GPATCH2: variants seen among roughly 807,000 people sequenced by gnomAD.
GPATCH2 encodes the protein G-patch domain containing 2.
In GPATCH2, 51 loss-of-function variants were observed where a neutral mutation model predicts 58.0. That is an observed-to-expected ratio of 0.88 (90% CI 0.70 to 1.11). GPATCH2 has a LOEUF of 1.11. GPATCH2 is among the 50% of genes most tolerant of loss of function. GPATCH2 has a pLI of 0.00. For synonymous variants in GPATCH2, 222 were observed against 218.5 expected (o/e 1.02, Z -0.14); for missense variants, 625 against 652.2 (o/e 0.96, Z 0.45).
At chr1:217,451,924 C>T (rs1001811844) in intron 8 of GPATCH2, among the ~76,000 whole-genome samples, 11 of 151,498 alleles carry the variant, frequency 7.3e-5, no homozygotes, top group African/African-American at 1.7e-4. Context: ...ACTTGCTGAA[C>T]GAATTTCTGA....
At chr1:217,625,525 C>A (rs995125184) in intron 1 of GPATCH2, among the ~76,000 whole-genome samples, 2 of 152,050 alleles carry the variant, frequency 1.3e-5, no homozygotes, top group African/African-American at 2.4e-5. Context: ...ATGACTATTG[C>A]TTTTTGAAGC....
chr1:217,594,554 T>C (rs1372835072), intron 5 of GPATCH2, among the ~76,000 whole-genome samples: 1 of 152,076 alleles, frequency 6.6e-6, no homozygotes, highest in Non-Finnish European at 1.5e-5. Flanking sequence ...TTATCTATAT[T>C]TAATCTATAT....
At chr1:217,612,934 G>A (rs115828679) in intron 3 of GPATCH2, among the ~76,000 whole-genome samples, 1,974 of 152,144 alleles carry the variant, frequency 0.013, 37 homozygotes, top group African/African-American at 0.045. Flanking sequence ...ACTTAGCAAC[G>A]TGAAACATAG....
intron 9 of GPATCH2, among the ~76,000 whole-genome samples, chr1:217,434,801 A>C (rs1295613727): frequency 6.6e-6 from 1 of 152,176 alleles, no homozygotes; most frequent in Non-Finnish European, 1.5e-5. Context: ...AGGGTAGCCC[A>C]GGGGTGACCA....
At chr1:217,486,813 A>G (rs1331484107) in intron 8 of GPATCH2, among the ~76,000 whole-genome samples, 4 of 152,206 alleles carry the variant, frequency 2.6e-5, no homozygotes, top group African/African-American at 9.6e-5. Flanking sequence ...GGTTAGGAGA[A>G]TACCTTTTCC....
chr1:217,596,633 G>T (rs1235089729), intron 5 of GPATCH2, among the ~76,000 whole-genome samples: 1 of 152,056 alleles, frequency 6.6e-6, no homozygotes, highest in Non-Finnish European at 1.5e-5. Flanking sequence ...CACAAAAGCT[G>T]ATATGAAAAA....
At chr1:217,472,087 C>G (rs1660744434) in intron 8 of GPATCH2, among the ~76,000 whole-genome samples, 1 of 152,016 alleles carries the variant, frequency 6.6e-6, no homozygotes, top group South Asian at 2.1e-4. Flanking sequence ...AAACCCTCCT[C>G]CTTCAAAAAA....
intron 5 of GPATCH2, among the ~76,000 whole-genome samples, chr1:217,554,916 G>A (rs1665547212): frequency 1.3e-5 from 2 of 152,088 alleles, no homozygotes; most frequent in Admixed American, 6.6e-5. Flanking sequence ...TTTTTTGAGA[G>A]CTTTTGCCTG....
chr1:217,519,245 T>C (rs1416612523), intron 5 of GPATCH2, among the ~76,000 whole-genome samples: 1 of 152,184 alleles, frequency 6.6e-6, no homozygotes, highest in East Asian at 1.9e-4. Flanking sequence ...GTTTGAGGAA[T>C]GAATAAAATA....
intron 5 of GPATCH2, among the ~76,000 whole-genome samples, chr1:217,569,910 G>A (rs1364091893): frequency 6.6e-6 from 1 of 152,094 alleles, no homozygotes; most frequent in Admixed American, 6.6e-5. Context: ...GTTTGGCAAT[G>A]TTTGAAGCCA....
chr1:217,590,811 T>C (rs973443655), intron 5 of GPATCH2, among the ~76,000 whole-genome samples: 1 of 152,180 alleles, frequency 6.6e-6, no homozygotes, highest in Non-Finnish European at 1.5e-5. Flanking sequence ...ACTTACACTA[T>C]TTCATCTTAT....
chr1:217,530,311 G>A (rs938421676), intron 5 of GPATCH2, among the ~76,000 whole-genome samples: 14 of 152,192 alleles, frequency 9.2e-5, no homozygotes, highest in Admixed American at 3.9e-4. Flanking sequence ...TGTTATGACT[G>A]TCTCAATTGC....
intron 8 of GPATCH2, among the ~76,000 whole-genome samples, chr1:217,468,374 A>G (rs1412887491): frequency 1.3e-5 from 2 of 152,192 alleles, no homozygotes; most frequent in South Asian, 2.1e-4. Context: ...GTAAATACCA[A>G]TTACAGGAAA....
intron 5 of GPATCH2, among the ~76,000 whole-genome samples, chr1:217,603,415 T>C (rs911796872): frequency 1.3e-5 from 2 of 152,180 alleles, no homozygotes; most frequent in African/African-American, 2.4e-5. Context: ...ACAAATATAC[T>C]ACTGTATTGG....
chr1:217,431,814 T>C (rs1472803526), intron 9 of GPATCH2, among the ~76,000 whole-genome samples: 1 of 152,188 alleles, frequency 6.6e-6, no homozygotes, highest in Non-Finnish European at 1.5e-5. Context: ...CATTTGCCCA[T>C]GACCTTGACA....
chr1:217,572,859 G>T, intron 5 of GPATCH2, among the ~76,000 whole-genome samples: 1 of 152,134 alleles, frequency 6.6e-6, no homozygotes, highest in Admixed American at 6.6e-5. Flanking sequence ...TACTTTTCTG[G>T]GTGAAGGGAG....
intron 8 of GPATCH2, among the ~76,000 whole-genome samples, chr1:217,459,539 T>C (rs1660107440): frequency 6.6e-6 from 1 of 152,180 alleles, no homozygotes; most frequent in African/African-American, 2.4e-5. Context: ...CTGTTTATCA[T>C]TGATATTTAG....
At chr1:217,491,510 ATC>A in intron 8 of GPATCH2, 168 bp downstream of exon 8, 1 of 330,564 alleles carries the variant, frequency 3.0e-6, no homozygotes, top group Non-Finnish European at 5.5e-6. Flanking sequence ...TAAATAAAAT[ATC>A]TTTTTATTCA....
chr1:217,521,037 G>A (rs1663427375), intron 5 of GPATCH2, among the ~76,000 whole-genome samples: 1 of 151,984 alleles, frequency 6.6e-6, no homozygotes, highest in Non-Finnish European at 1.5e-5. Flanking sequence ...ATAGAGCTGG[G>A]GTCCTGCTAT....
Sources: allele counts gnomAD v4.1 joint callset (sites outside exome capture counted in the v4.1 genomes callset), GRCh38; gene constraint gnomAD v4.1.1; transcripts MANE v1.5; gene names NCBI Gene and HGNC (gene_info 2026-07-23, HGNC 2026-07-21).